Variants in CSMD3 observed in about 807,000 individuals in gnomAD.
CSMD3 encodes the protein CUB and sushi domain-containing protein 3.
In CSMD3, 177 loss-of-function variants were observed where a neutral mutation model predicts 435.2. The ratio of observed to expected loss-of-function variants is 0.41; its 90% CI spans 0.36 to 0.46. The LOEUF is 0.46. CSMD3 is among the 20% of genes least tolerant of loss of function. CSMD3 has a pLI of 0.34. For synonymous variants in CSMD3, 1,656 were observed against 1,520.5 expected (o/e 1.09, Z -2.07); for missense variants, 4,265 against 4,504.6 (o/e 0.95, Z 1.52).
At chr8:112,555,781 C>CA (rs994290808) in intron 25 of CSMD3, among the ~76,000 whole-genome samples, 2 of 151,882 alleles carry the variant, frequency 1.3e-5, no homozygotes, top group African/African-American at 2.4e-5. Context: ...CTGACCACAT[C>CA]AAAAAACGAC....
At chr8:113,095,294 GA>G (rs1158584731) in intron 5 of CSMD3, among the ~76,000 whole-genome samples, 6 of 151,986 alleles carry the variant, frequency 3.9e-5, no homozygotes, top group Non-Finnish European at 8.8e-5. Flanking sequence ...CAAAAAAGGA[GA>G]AAAAAACTCT....
At chr8:112,868,685 C>T (rs2511527) in intron 10 of CSMD3, among the ~76,000 whole-genome samples, 121,367 of 152,076 alleles carry the variant, frequency 0.8, 49,222 homozygotes, top group East Asian at 0.93. Flanking sequence ...TGAAACAGAA[C>T]AGAAAGTCCA....
intron 29 of CSMD3, 43 bp downstream of exon 29, chr8:112,506,648 C>G (rs1822554637): frequency 6.3e-7 from 1 of 1,598,978 alleles, no homozygotes; most frequent in Non-Finnish European, 8.6e-7. Flanking sequence ...AATGGCCTAA[C>G]AATATATTTT....
chr8:112,356,815 C>T (rs1238231162), intron 38 of CSMD3, among the ~76,000 whole-genome samples: 2 of 152,126 alleles, frequency 1.3e-5, no homozygotes, highest in African/African-American at 2.4e-5. Flanking sequence ...AGGACTTGCT[C>T]TTCCTTGCCT....
chr8:112,577,287 C>G (rs1271189561), intron 23 of CSMD3, among the ~76,000 whole-genome samples: 1 of 151,768 alleles, frequency 6.6e-6, no homozygotes, highest in Non-Finnish European at 1.5e-5. Flanking sequence ...GCAGTGTAAC[C>G]AAAGATAAAT....
At chr8:112,953,199 GA>G (rs1287188486) in intron 8 of CSMD3, among the ~76,000 whole-genome samples, 1 of 151,320 alleles carries the variant, frequency 6.6e-6, no homozygotes, top group East Asian at 1.9e-4. Context: ...CAAAATATTA[GA>G]AAAAAATGTA....
intron 4 of CSMD3, among the ~76,000 whole-genome samples, chr8:113,112,621 A>T (rs1416656556): frequency 6.6e-6 from 1 of 151,504 alleles, no homozygotes; most frequent in Non-Finnish European, 1.5e-5. Context: ...GACCGAAGTC[A>T]CTGCAGAAAA....
intron 32 of CSMD3, among the ~76,000 whole-genome samples, chr8:112,471,372 G>C (rs923204152): frequency 6.6e-6 from 1 of 152,124 alleles, no homozygotes; most frequent in African/African-American, 2.4e-5. Context: ...AATAAACACA[G>C]TTAAGTGAAT....
intron 63 of CSMD3, among the ~76,000 whole-genome samples, chr8:112,247,333 T>A (rs578252906): frequency 8.4e-4 from 128 of 152,272 alleles, no homozygotes; most frequent in Non-Finnish European, 1.5e-3. Flanking sequence ...TGTTTACATA[T>A]CATCATCAAA....
At chr8:113,237,058 G>A (rs546943942) in intron 3 of CSMD3, among the ~76,000 whole-genome samples, 1 of 152,206 alleles carries the variant, frequency 6.6e-6, no homozygotes. Flanking sequence ...CATCATGCTT[G>A]ACAATATTCT....
rs779230856 is a variant in CSMD3, at chr8:112,937,358, T to TG, written c.1508+10431_1508+10432insC. Among the ~76,000 whole-genome samples, 1,258 of 150,898 alleles carry TG rather than the reference T, an allele frequency of 8.3e-3. 11 individuals are homozygous for TG. Among genetic ancestry groups the TG allele is most frequent in the Non-Finnish European group, 0.014 (941 of 67,598 alleles). On this transcript the variant is annotated intron_variant, in intron 9 of 70. Coordinates refer to ENST00000297405, the MANE Select transcript of CSMD3 (RefSeq NM_198123.2). ...TTTGGACCTAGGTAATAATGTTTTT[T>TG]TTTTTTTTTTGAGACAGAGTCTCTC...
At chr8:112,749,109 T>C (rs2077507850) in intron 13 of CSMD3, among the ~76,000 whole-genome samples, 1 of 152,178 alleles carries the variant, frequency 6.6e-6, no homozygotes, top group Non-Finnish European at 1.5e-5. Context: ...GAGCTTTTTT[T>C]CATATGTGTA....
At chr8:113,261,381 T>C (rs2093426028) in intron 3 of CSMD3, among the ~76,000 whole-genome samples, 1 of 152,118 alleles carries the variant, frequency 6.6e-6, no homozygotes, top group South Asian at 2.1e-4. Context: ...GGACTCTAAT[T>C]AGCATGTATT....
intron 9 of CSMD3, among the ~76,000 whole-genome samples, chr8:112,939,990 G>A (rs557035145): frequency 6.6e-6 from 1 of 151,884 alleles, no homozygotes; most frequent in African/African-American, 2.4e-5. Context: ...TGTGAAGTGG[G>A]GAGAGACAGA....
chr8:113,350,848 C>T lies in CSMD3; in HGVS notation c.179-36055G>A, dbSNP rs150747308. Among the ~76,000 whole-genome samples the T allele has an allele frequency of 1.6e-3, 246 of 152,220 alleles. 6 individuals carry two copies. In the East Asian group the frequency reaches 0.044, roughly 27 times the overall value. On this transcript the variant is annotated intron_variant, in intron 1 of 70. Transcript: ENST00000297405. ...ATTTGTTTCTCACCCTCAGTGCATG[C>T]CACTTTTCTCCTTTAAACACAGACT...
intron 3 of CSMD3, among the ~76,000 whole-genome samples, chr8:113,231,005 A>G (rs1372418435): frequency 6.6e-6 from 1 of 151,312 alleles, no homozygotes; most frequent in Non-Finnish European, 1.5e-5. Context: ...CCTTTGTTCT[A>G]TCTCAATTTT....
intron 1 of CSMD3, among the ~76,000 whole-genome samples, chr8:113,356,477 G>A (rs371198121): frequency 6.6e-6 from 1 of 151,992 alleles, no homozygotes; most frequent in Non-Finnish European, 1.5e-5. Context: ...ACCTTTACAG[G>A]GAAGGCCAGA....
intron 2 of CSMD3, among the ~76,000 whole-genome samples, chr8:113,295,215 C>A (rs1043113243): frequency 6.6e-6 from 1 of 152,016 alleles, no homozygotes; most frequent in Non-Finnish European, 1.5e-5. Context: ...TTTTTAAATG[C>A]ACAATAAATT....
chr8:112,903,104 C>T (rs2125552), intron 10 of CSMD3, among the ~76,000 whole-genome samples: 114,982 of 143,986 alleles, frequency 0.8, 46,575 homozygotes, highest in East Asian at 0.93. Flanking sequence ...CTTTCCCTAA[C>T]GGCAACCACA....
Sources: allele counts gnomAD v4.1 joint callset (sites outside exome capture counted in the v4.1 genomes callset), GRCh38; gene constraint gnomAD v4.1.1; transcripts MANE v1.5; gene names NCBI Gene and HGNC (gene_info 2026-07-23, HGNC 2026-07-21).